The following MYO18B variants were observed in gnomAD, a reference collection of about 807,000 sequenced individuals.
The protein encoded by MYO18B is myosin XVIIIB.
A neutral mutation model predicts 273.0 loss-of-function variants in MYO18B; 204 were observed. The observed-to-expected ratio is 0.75, with a 90% CI of 0.67 to 0.84. The LOEUF is 0.84. Ranked by LOEUF, MYO18B falls within the 40% of genes least tolerant of loss-of-function variation. MYO18B has a pLI of 0.00. For missense variants in MYO18B, 3,212 were observed against 3,287.6 expected (o/e 0.98, Z 0.56); for synonymous variants, 1,330 against 1,305.7 (o/e 1.02, Z -0.40).
At chr22:25,991,500 CATT>C (rs1248401541) in intron 39 of MYO18B, among the ~76,000 whole-genome samples, 17 of 152,188 alleles carry the variant, frequency 1.1e-4, no homozygotes, top group Admixed American at 8.5e-4. Context: ...AGGTAACAAT[CATT>C]ATGTGTTAAA....
chr22:25,970,426 CCTT>C (rs1252992869), intron 39 of MYO18B, among the ~76,000 whole-genome samples: 5 of 152,146 alleles, frequency 3.3e-5, no homozygotes, highest in South Asian at 2.1e-4. Context: ...ATAGATGCCT[CCTT>C]CTTTGTGCTC....
rs1195556060 is a variant in MYO18B, at chr22:25,952,341, C to A, written c.5888C>A (p.Ala1963Asp). ...EYLEQSTVDR[A>D]IVSRQEAVIC... ...CTGGAACAGTCCACCGTGGATCGAG[C>A]CATCGTCAGCAGGCAGGAGGCGGTC... Residue 1963 changes from alanine to aspartate, a missense_variant, in exon 38 of 44, where the codon GCC becomes GAC. Ala to Asp is a moderately radical substitution (Grantham distance 126). Transcript: ENST00000335473. 5.0e-6 allele frequency: 8 copies of A among 1,611,964 alleles called. No homozygotes were observed. Among genetic ancestry groups the A allele is most frequent in the Non-Finnish European group, 6.8e-6 (8 of 1,179,190 alleles).
chr22:25,885,578 G>A (rs769006766), intron 25 of MYO18B, among the ~76,000 whole-genome samples: 4 of 152,130 alleles, frequency 2.6e-5, no homozygotes, highest in South Asian at 2.1e-4. Flanking sequence ...TGTTTGGGGG[G>A]TTGAGGGGTT....
At chr22:25,810,331 C>T (rs1299954874) in intron 12 of MYO18B, among the ~76,000 whole-genome samples, 1 of 151,170 alleles carries the variant, frequency 6.6e-6, no homozygotes, top group African/African-American at 2.4e-5. Context: ...AGCTCCTGAC[C>T]TCGTGATCCG....
rs1266218176 is a variant in MYO18B, at chr22:25,868,381, G to A, written c.3947G>A (p.Ser1316Asn). 1.3e-6 allele frequency: 2 copies of A among 1,595,700 alleles called. No homozygotes were observed. The highest frequency in any genetic ancestry group is 1.7e-5 in the Admixed American group (1 of 57,416). Residue 1316 changes from serine to asparagine, a missense_variant, in exon 22 of 44, where the codon AGC becomes AAC. Coordinates refer to ENST00000335473, the MANE Select transcript of MYO18B (RefSeq NM_032608.7). ...LEKKAVAVGHSQVFLKAGVIS... is the reference protein window; with the variant it reads ...LEKKAVAVGHNQVFLKAGVIS... ...AAGAAGGCGGTGGCTGTGGGGCACA[G>A]CCAAGTGAGTAGAGCTGCTTTCTTA...
intron 1 of MYO18B, among the ~76,000 whole-genome samples, chr22:25,753,119 A>G (rs1420731091): frequency 6.6e-6 from 1 of 152,132 alleles, no homozygotes; most frequent in Non-Finnish European, 1.5e-5. Context: ...CAGAGCCTCC[A>G]CGGCACCGCG....
At chr22:25,918,590 T>C (rs2092296276) in intron 33 of MYO18B, among the ~76,000 whole-genome samples, 1 of 152,200 alleles carries the variant, frequency 6.6e-6, no homozygotes, top group Non-Finnish European at 1.5e-5. Context: ...GTGAATTCTG[T>C]TTGCAGTGCT....
At chr22:25,944,604 C>T (rs2092682904) in intron 34 of MYO18B, among the ~76,000 whole-genome samples, 1 of 152,126 alleles carries the variant, frequency 6.6e-6, no homozygotes, top group African/African-American at 2.4e-5. Flanking sequence ...AATCCTAGCA[C>T]TGTGGGAGGC....
intron 17 of MYO18B, 113 bp downstream of exon 17, chr22:25,835,556 C>A: frequency 7.5e-7 from 1 of 1,328,516 alleles, no homozygotes; most frequent in Non-Finnish European, 1.0e-6. Flanking sequence ...CTCCAACGTG[C>A]AGAGGTGAAT....
intron 3 of MYO18B, among the ~76,000 whole-genome samples, chr22:25,765,327 C>A (rs916400224): frequency 6.6e-6 from 1 of 152,220 alleles, no homozygotes; most frequent in Admixed American, 6.5e-5. Context: ...TAAATAACTC[C>A]GTACTCTCTT....
At chr22:25,977,531 C>T (rs977316230) in intron 39 of MYO18B, among the ~76,000 whole-genome samples, 8 of 152,140 alleles carry the variant, frequency 5.3e-5, no homozygotes, top group African/African-American at 1.9e-4. Context: ...ATAGGACGAG[C>T]ATGTTTTTGT....
At chr22:26,004,893 G>C (rs1934301643) in intron 42 of MYO18B, 38 bp downstream of exon 42, 1 of 1,609,960 alleles carries the variant, frequency 6.2e-7, no homozygotes, top group African/African-American at 1.3e-5. Flanking sequence ...ATGGCTAATA[G>C]CTTGAAGAAT....
At chr22:25,760,531 A>G (rs2086278338) in intron 1 of MYO18B, among the ~76,000 whole-genome samples, 1 of 152,042 alleles carries the variant, frequency 6.6e-6, no homozygotes, top group African/African-American at 2.4e-5. Flanking sequence ...TGATCAAGCT[A>G]CAAGGCTTTT....
At chr22:25,773,944 G>T (rs76320099) in intron 7 of MYO18B, among the ~76,000 whole-genome samples, 2,279 of 152,242 alleles carry the variant, frequency 0.015, 49 homozygotes, top group African/African-American at 0.051. Flanking sequence ...GAGGCCTGTC[G>T]GAGGTGAGAC....
At chr22:26,025,081 C>T (rs891046104) in intron 42 of MYO18B, among the ~76,000 whole-genome samples, 1 of 152,170 alleles carries the variant, frequency 6.6e-6, no homozygotes, top group African/African-American at 2.4e-5. Context: ...CCAAAAGCCC[C>T]ACCTCCTAAT....
At chr22:25,889,928 G>A (rs17706905) in intron 25 of MYO18B, among the ~76,000 whole-genome samples, 5,658 of 152,162 alleles carry the variant, frequency 0.037, 161 homozygotes, top group South Asian at 0.08. Context: ...ATATACAACC[G>A]TATGATTTCC....
Position 25,798,250 on chromosome 22 carries a change from G to A in MYO18B, c.2521+153G>A, listed in dbSNP as rs768476403. 2.6e-5 allele frequency among the ~76,000 whole-genome samples: 4 copies of A among 152,148 alleles called. No homozygotes were observed. The South Asian group carries it at 8.3e-4, about 32-fold the overall frequency. Reference sequence around the variant, plus strand: ...CTTGGGGAGGCTGCTGAAACTAGGCGTCGTGAGGAGGACACAGGGCTGGCT... The same window carrying A: ...CTTGGGGAGGCTGCTGAAACTAGGCATCGTGAGGAGGACACAGGGCTGGCT... On this transcript the variant is annotated intron_variant, in intron 12 of 43. Transcript: ENST00000335473.
rs759342821 is a variant in MYO18B, at chr22:25,798,102, G to C, written c.2521+5G>C. On this transcript the variant is annotated splice_donor_5th_base_variant and intron_variant, in intron 12 of 43. Transcript: ENST00000335473. ...GTGCGGCGGGGGCCTGCAAAGGTAC[G>C]TCCTTCCTGCCGGGCTCACCTGGGA... 6.2e-7 allele frequency: 1 copy of C among 1,600,164 alleles called. No individual in the cohort carries two copies. The highest frequency in any genetic ancestry group is 2.2e-5 in the East Asian group (1 of 44,462).
At chr22:25,753,224 G>C (rs1432374468) in intron 1 of MYO18B, among the ~76,000 whole-genome samples, 2 of 134,576 alleles carry the variant, frequency 1.5e-5, no homozygotes, top group African/African-American at 2.9e-5. Context: ...CCTCCCGGTC[G>C]GCAGGGGCGG....
Sources: allele counts gnomAD v4.1 joint callset (sites outside exome capture counted in the v4.1 genomes callset), GRCh38; gene constraint gnomAD v4.1.1; transcripts MANE v1.5; gene names NCBI Gene and HGNC (gene_info 2026-07-23, HGNC 2026-07-21).